The following MCF2L variants were observed in gnomAD, a reference collection of about 807,000 sequenced individuals.
The protein encoded by MCF2L is guanine nucleotide exchange factor DBS.
MCF2L carries 97 observed loss-of-function variants against 153.4 expected under a neutral mutation model. The ratio of observed to expected loss-of-function variants is 0.63; its 90% CI spans 0.54 to 0.75. The LOEUF (loss-of-function observed/expected upper bound fraction) is 0.75. MCF2L is among the 30% of genes least tolerant of loss of function. The pLI, the probability that MCF2L is intolerant of heterozygous loss-of-function variation, is 0.00. For synonymous variants in MCF2L, 659 were observed against 632.2 expected, an observed-to-expected ratio of 1.04 and a Z score of -0.64; for missense variants, 1,347 against 1,495.2, an observed-to-expected ratio of 0.90 and a Z score of 1.64.
rs1033823098 is a variant in MCF2L at position 113,031,123 on chromosome 13, TGACAGAGAGACAGACAGA to T, written c.278+6376_278+6393del. On this transcript the variant is annotated intron_variant, in intron 3 of 29. Transcript: ENST00000535094. The surrounding 1 kb of genome is among the most constrained non-coding windows in gnomAD (Gnocchi z 5.5). ...GACAGAGAGAGACAGAGACAGAGAG[TGACAGAGAGACAGACAGA>T]GACAGAGAGAGACAGAGAGAAGAGA... is the stretch of plus-strand genomic sequence containing the variant. Among the ~76,000 whole-genome samples, 4 of 113,734 alleles carry T rather than the reference TGACAGAGAGACAGACAGA, an allele frequency of 3.5e-5. No homozygotes were observed. Among genetic ancestry groups the T allele is most frequent in the Admixed American group, 8.5e-5 (1 of 11,800 alleles). The allele number at this position is 113,734 out of a possible 152,430, so 74.6% of individuals were successfully genotyped here.
chr13:112,946,694 C>T (rs528287224), intron 2 of MCF2L, among the ~76,000 whole-genome samples: 13 of 152,258 alleles, frequency 8.5e-5, no homozygotes, highest in African/African-American at 2.9e-4. Context: ...GATACAGAAC[C>T]TGAATAAAGG....
chr13:112,972,987 C>G (rs1170036134), intron 1 of MCF2L, among the ~76,000 whole-genome samples: 1 of 151,676 alleles, frequency 6.6e-6, no homozygotes, highest in African/African-American at 2.4e-5. Context: ...CTTCCCAGGA[C>G]CACCACACAG....
At position 112,926,249 on chromosome 13, in the gene MCF2L, G is replaced by A. The variant is rs561864500; in HGVS notation, c.169+23878G>A. ...GTACGGCCTAATCTATATACACAGC[G>A]GAGTGCACTATGGCCTGGTCTATAT... is the stretch of plus-strand genomic sequence containing the variant. On this transcript the variant is annotated intron_variant, in intron 2 of 29. Coordinates refer to the MCF2L transcript ENST00000375608. Among the ~76,000 whole-genome samples, 6 of 151,950 alleles carry A rather than the reference G, an allele frequency of 3.9e-5. No homozygotes were observed. In the South Asian group the frequency reaches 6.2e-4, roughly 16 times the overall value.
chr13:112,935,108 T>C (rs2081501890), intron 2 of MCF2L, among the ~76,000 whole-genome samples: 1 of 152,236 alleles, frequency 6.6e-6, no homozygotes, highest in Non-Finnish European at 1.5e-5. Flanking sequence ...TAATCACAGA[T>C]GGCCCTCAAC....
At chr13:113,065,498 T>A (rs1345320925) in intron 7 of MCF2L, among the ~76,000 whole-genome samples, 2 of 152,248 alleles carry the variant, frequency 1.3e-5, no homozygotes, top group Non-Finnish European at 2.9e-5. Context: ...CGGTTTCTCA[T>A]GCCGAGCAGG....
In MCF2L at chr13:112,996,590, G is replaced by A. The variant is rs1160807563; in HGVS notation, c.80-18173G>A. ...GTGCAGTGCCCTTCAGAGGCCCTGC[G>A]TCTCCATCTTTTCTCCACGGCATCC... On this transcript the variant is annotated intron_variant, in intron 1 of 29. Coordinates refer to ENST00000535094, the MANE Select transcript of MCF2L (RefSeq NM_001112732.3). Among the ~76,000 whole-genome samples the A allele has an allele frequency of 2.6e-5, 4 of 152,216 alleles. No homozygotes were observed. The East Asian group carries it at 7.7e-4, about 29-fold the overall frequency.
rs1390623430 is a variant in MCF2L, at chr13:113,099,248, T to C, written c.*2389T>C. On this transcript the variant is annotated 3_prime_UTR_variant, in exon 30 of 30. Transcript: ENST00000535094. Reference sequence around the variant, plus strand: ...AGTTGGCAGTCGGCAGACAGCAATGTTGACTGTCATGAAAAGTGATCCCTG... The same window carrying C: ...AGTTGGCAGTCGGCAGACAGCAATGCTGACTGTCATGAAAAGTGATCCCTG... The C allele has an allele frequency of 6.6e-6, 1 of 152,240 alleles. No individual in the cohort carries two copies. Among genetic ancestry groups the C allele is most frequent in the Non-Finnish European group, 1.5e-5 (1 of 68,052 alleles). The allele number at this position is 152,240 out of a possible 1,614,324, so 9.4% of individuals were successfully genotyped here.
intron 2 of MCF2L, among the ~76,000 whole-genome samples, chr13:112,952,438 C>A (rs565641323): frequency 2.6e-5 from 4 of 152,290 alleles, no homozygotes; most frequent in African/African-American, 9.6e-5. Flanking sequence ...CTGCCAACCA[C>A]CTCCTTCTAA....
chr13:112,927,955 C>A (rs1027344726), intron 2 of MCF2L, among the ~76,000 whole-genome samples: 8 of 152,272 alleles, frequency 5.3e-5, no homozygotes, highest in East Asian at 1.9e-4. Flanking sequence ...AGATTTTGAT[C>A]CTAGTTCAAA....
intron 1 of MCF2L, chr13:113,008,847 C>T (rs1177863064): frequency 1.3e-5 from 2 of 152,254 alleles, no homozygotes; most frequent in African/African-American, 4.8e-5. Flanking sequence ...TCCCAAACAA[C>T]ACACCCATGT....
chr13:113,031,424 G>C lies in MCF2L; in HGVS notation c.278+6666G>C, dbSNP rs901491348. ...AGCGGCATCTTTGGGGGCAGCGAAC[G>C]CACCAGGGGGCAGGACAGAGTGCCG... is the stretch of plus-strand genomic sequence containing the variant. On this transcript the variant is annotated intron_variant, in intron 3 of 29. Transcript: ENST00000535094. This position sits in a 1 kb window ranked among gnomAD's most constrained non-coding sequence, Gnocchi z 5.5. Among the ~76,000 whole-genome samples, 1 of 152,186 alleles carries C rather than the reference G, an allele frequency of 6.6e-6. No homozygotes were observed. Among genetic ancestry groups the C allele is most frequent in the Non-Finnish European group, 1.5e-5 (1 of 68,032 alleles).
At chr13:112,979,386 G>GCCT in intron 1 of MCF2L, 1 of 1,354,354 alleles carries the variant, frequency 7.4e-7, no homozygotes, top group Non-Finnish European at 9.5e-7. Flanking sequence ...TGCTCTTCCA[G>GCCT]GCGTGCAGGG....
intron 4 of MCF2L, among the ~76,000 whole-genome samples, chr13:113,057,800 T>C (rs1431562308): frequency 1.3e-5 from 2 of 148,758 alleles, no homozygotes; most frequent in African/African-American, 5.0e-5. Flanking sequence ...GTTTGCTGTG[T>C]GTTTGGGTGC....
intron 2 of MCF2L, among the ~76,000 whole-genome samples, chr13:113,017,562 C>T (rs1182533180): frequency 6.6e-6 from 1 of 152,246 alleles, no homozygotes; most frequent in African/African-American, 2.4e-5. Context: ...AGGGAGTGGA[C>T]GTGCCTTTCA....
chr13:113,081,420 G>C, intron 16 of MCF2L, 141 bp downstream of exon 16: 2 of 783,024 alleles, frequency 2.6e-6, no homozygotes, highest in Non-Finnish European at 4.0e-6. Context: ...AGCCTGGTCG[G>C]GCCCCAGACG....
At chr13:113,026,594 G>A (rs1402749092) in intron 3 of MCF2L, among the ~76,000 whole-genome samples, 2 of 152,194 alleles carry the variant, frequency 1.3e-5, no homozygotes, top group Non-Finnish European at 2.9e-5. Context: ...TCTGCGGTGC[G>A]AGGGCTTCTG....
At chr13:113,020,109 T>C (rs971827647) in intron 2 of MCF2L, among the ~76,000 whole-genome samples, 1 of 152,244 alleles carries the variant, frequency 6.6e-6, no homozygotes, top group Admixed American at 6.5e-5. Flanking sequence ...GCCTTCTTGA[T>C]GTCATCTCCA....
At chr13:113,090,430 T>TGGGGG in intron 26 of MCF2L, 1 of 975,368 alleles carries the variant, frequency 1.0e-6, no homozygotes, top group Non-Finnish European at 1.2e-6. Context: ...CCCTCCTTCC[T>TGGGGG]CTCCCTGCCC....
intron 4 of MCF2L, among the ~76,000 whole-genome samples, chr13:113,058,475 G>C (rs1230201675): frequency 6.7e-6 from 1 of 150,358 alleles, no homozygotes; most frequent in African/African-American, 2.5e-5. Context: ...TGAGTGCTTA[G>C]GTGCTGTGTG....
Sources: gnomAD v4.1 joint callset for allele counts (sites outside exome capture counted in the v4.1 genomes callset) on GRCh38, gnomAD v4.1.1 for gene constraint, Gnocchi (gnomAD v3.1) non-coding constraint, MANE v1.5 for transcripts, NCBI Gene and HGNC (gene_info 2026-07-23, HGNC 2026-07-21) for gene names.